The following CALN1 variants were observed in gnomAD, a reference collection of about 807,000 sequenced individuals.
CALN1 encodes the protein calneuron 1, also known as calcium-binding protein 8.
Under a neutral mutation model 30.6 loss-of-function variants are expected in CALN1, and 17 were observed. The ratio of observed to expected loss-of-function variants is 0.56; its 90% confidence interval spans 0.38 to 0.83. The LOEUF is 0.83. Ranked by LOEUF, CALN1 falls within the 40% of genes least tolerant of loss-of-function variation. The pLI, the probability that CALN1 is intolerant of heterozygous loss-of-function variation, is 0.00. For missense variants in CALN1, 291 were observed against 354.9 expected (o/e 0.82, Z 1.45); for synonymous variants, 156 against 131.4 (o/e 1.19, Z -1.28).
At chr7:71,818,760 A>G (rs1189590316) in intron 5 of CALN1, among the ~76,000 whole-genome samples, 2 of 151,210 alleles carry the variant, frequency 1.3e-5, no homozygotes, top group East Asian at 3.9e-4. Context: ...CCCAGGCTGG[A>G]GTGCAGTGGT....
At chr7:72,411,872 G>C (rs994522808) in intron 1 of CALN1, among the ~76,000 whole-genome samples, 186 bp downstream of exon 1, 8 of 152,176 alleles carry the variant, frequency 5.3e-5, no homozygotes, top group East Asian at 3.8e-4. Flanking sequence ...TAACCAAATA[G>C]TTGATGAAGC....
intron 5 of CALN1, among the ~76,000 whole-genome samples, chr7:71,975,175 G>C (rs996047677): frequency 6.6e-6 from 1 of 152,164 alleles, no homozygotes; most frequent in African/African-American, 2.4e-5. Flanking sequence ...GACAGGTCCT[G>C]CAACAGAGGC....
chr7:72,199,530 G>C (rs1158844822), intron 3 of CALN1, among the ~76,000 whole-genome samples: 1 of 152,068 alleles, frequency 6.6e-6, no homozygotes, highest in Non-Finnish European at 1.5e-5. Flanking sequence ...GACCAGCTTG[G>C]GCAACATAGT....
intron 6 of CALN1, among the ~76,000 whole-genome samples, chr7:71,795,500 T>G (rs1288842445): frequency 1.3e-5 from 2 of 152,250 alleles, no homozygotes; most frequent in African/African-American, 4.8e-5. Context: ...AAATTGGCCC[T>G]TGTTCTAAAA....
At chr7:72,453,199 G>A in the CALN1 span, among the ~76,000 whole-genome samples, 125 of 152,332 alleles carry the variant, frequency 8.2e-4, no homozygotes, top group African/African-American at 3.0e-3. Context: ...CTTCACTCAG[G>A]AAAGAATTCA....
At position 71,780,298 on chromosome 7, in the gene CALN1, C is replaced by A. The variant is rs1171297085; in HGVS notation, c.*7477G>T. On this transcript the variant is annotated 3_prime_UTR_variant, in exon 7 of 7. Transcript: ENST00000395275. ...CTCTCCACCAGGAGCTGACAGGATC[C>A]TTTCTTGGCCAATCTAGGTCTTTCC... The A allele has an allele frequency of 6.6e-6, 1 of 152,174 alleles. No individual in the cohort carries two copies. The highest frequency in any genetic ancestry group is 2.1e-4 in the South Asian group (1 of 4,826). The allele number at this position is 152,174 out of a possible 1,614,324, so 9.4% of individuals were successfully genotyped here.
At chr7:72,016,684 T>C (rs1391896310) in intron 5 of CALN1, among the ~76,000 whole-genome samples, 1 of 151,924 alleles carries the variant, frequency 6.6e-6, no homozygotes, top group Non-Finnish European at 1.5e-5. Context: ...CCTGAAGTGC[T>C]GGGATTATAG....
intron 2 of CALN1, among the ~76,000 whole-genome samples, chr7:72,350,131 G>A (rs558910149): frequency 3.4e-4 from 51 of 152,156 alleles, no homozygotes; most frequent in Admixed American, 2.0e-3. Context: ...ATGTTAAAAG[G>A]AAGGGGTCCA....
At chr7:72,173,768 A>G (rs1167563077) in intron 3 of CALN1, among the ~76,000 whole-genome samples, 1 of 152,188 alleles carries the variant, frequency 6.6e-6, no homozygotes, top group Admixed American at 6.5e-5. Flanking sequence ...CCATTTTTTC[A>G]TCTTGTATGT....
At chr7:72,280,913 C>G (rs1236283298) in intron 2 of CALN1, among the ~76,000 whole-genome samples, 2 of 152,098 alleles carry the variant, frequency 1.3e-5, no homozygotes, top group Non-Finnish European at 2.9e-5. Context: ...GAGACCTAGG[C>G]AGGTGGATCA....
At chr7:72,281,704 G>GC (rs1797743111) in intron 2 of CALN1, among the ~76,000 whole-genome samples, 1 of 152,148 alleles carries the variant, frequency 6.6e-6, no homozygotes, top group African/African-American at 2.4e-5. Context: ...ATTCCACCAT[G>GC]CATCACTCTA....
At chr7:71,897,302 CATA>C (rs1793584075) in intron 5 of CALN1, among the ~76,000 whole-genome samples, 1 of 152,136 alleles carries the variant, frequency 6.6e-6, no homozygotes, top group African/African-American at 2.4e-5. Context: ...GACTTGTAAG[CATA>C]ATTTCATTTT....
chr7:72,012,722 A>G (rs1016488850), intron 5 of CALN1, among the ~76,000 whole-genome samples: 5 of 152,090 alleles, frequency 3.3e-5, no homozygotes, highest in African/African-American at 1.2e-4. Flanking sequence ...GACAGCTGCC[A>G]CTCAGTGGTC....
chr7:72,284,984 T>C (rs536669615), intron 2 of CALN1, among the ~76,000 whole-genome samples: 1 of 152,130 alleles, frequency 6.6e-6, no homozygotes, highest in African/African-American at 2.4e-5. Context: ...AGTAGGGTAT[T>C]ATTATTATTC....
At position 72,370,277 on chromosome 7, in the gene CALN1, A is replaced by G. The variant is rs541066195; in HGVS notation, c.119+32974T>C. 8.2e-4 allele frequency among the ~76,000 whole-genome samples: 125 copies of G among 152,184 alleles called. 1 individual carries two copies. Among genetic ancestry groups the G allele is most frequent in the Non-Finnish European group, 7.1e-4 (48 of 67,988 alleles). ...TCTGTATATCTTTTTTGCTGTATAT[A>G]TTTTACCTATTTTTTATCTTGTGCT... On this transcript the variant is annotated intron_variant, in intron 2 of 6. Transcript: ENST00000395275.
intron 2 of CALN1, among the ~76,000 whole-genome samples, chr7:72,399,876 T>C (rs2129561949): frequency 6.6e-6 from 1 of 152,300 alleles, no homozygotes; most frequent in Non-Finnish European, 1.5e-5. Context: ...CTTCCTGTGA[T>C]AATGAGTGAG....
intron 5 of CALN1, among the ~76,000 whole-genome samples, chr7:71,947,302 C>T (rs1026526354): frequency 1.3e-5 from 2 of 152,096 alleles, no homozygotes; most frequent in Admixed American, 6.6e-5. Context: ...TGAGCCACTG[C>T]GCCCCGCCAG....
intron 2 of CALN1, 95 bp downstream of exon 2, chr7:72,403,156 C>T (rs1455836770): frequency 1.9e-5 from 16 of 848,376 alleles, no homozygotes; most frequent in Admixed American, 1.3e-4. Flanking sequence ...AGCCTAGACA[C>T]GCAGCAGCGG....
chr7:72,047,882 G>A (rs1415911764), intron 4 of CALN1, among the ~76,000 whole-genome samples: 11 of 152,112 alleles, frequency 7.2e-5, no homozygotes, highest in African/African-American at 2.2e-4. Context: ...TGTTAAAAAC[G>A]GGAAAGTGCT....
Sources: allele counts gnomAD v4.1 joint callset (sites outside exome capture counted in the v4.1 genomes callset), GRCh38; gene constraint gnomAD v4.1.1; transcripts MANE v1.5; gene names NCBI Gene and HGNC (gene_info 2026-07-23, HGNC 2026-07-21).